Variants in CDKN2B-AS1 observed in about 807,000 individuals in gnomAD.
The protein encoded by CDKN2B-AS1 is CDKN2B and CDKN2A antisense cis and trans regulatory RNA 1.
rs994343205 is a variant in CDKN2B-AS1, at chr9:22,095,256, G to T, written n.439-31847G>T. Reference sequence around the variant, plus strand: ...TGCCTCACAGTTAGGCTACTCGGGGGTCAGGGACCCACCTGAGGAGGCAGT... The same window carrying T: ...TGCCTCACAGTTAGGCTACTCGGGGTTCAGGGACCCACCTGAGGAGGCAGT... On this transcript the variant is annotated intron_variant and non_coding_transcript_variant, in intron 4 of 4. Coordinates refer to ENST00000650946, the Ensembl canonical transcript of CDKN2B-AS1. Among the ~76,000 whole-genome samples, 10 of 144,872 alleles carry T rather than the reference G, an allele frequency of 6.9e-5. 1 individual carries two copies. Among genetic ancestry groups the T allele is most frequent in the African/African-American group, 2.0e-4 (7 of 34,962 alleles).
intron 1 of CDKN2B-AS1, among the ~76,000 whole-genome samples, chr9:22,016,821 C>T (rs1401775274): frequency 1.3e-5 from 2 of 152,178 alleles, no homozygotes; most frequent in African/African-American, 4.8e-5. Context: ...AGAGTCGTAG[C>T]ATCTTTCAAA....
Position 22,026,948 on chromosome 9 carries a change from G to C in CDKN2B-AS1, n.30-19803G>C, listed in dbSNP as rs1822264466. Among the ~76,000 whole-genome samples, 4 of 152,128 alleles carry C rather than the reference G, an allele frequency of 2.6e-5. No homozygotes were observed. The South Asian group carries it at 8.3e-4, about 32-fold the overall frequency. The stretch of plus-strand genomic sequence containing the variant: ...TCACTTACCACTTCCCTGGGAAGGG[G>C]AGTTTCCCTTGACTCCACGTCTTTC... On this transcript the variant is annotated intron_variant and non_coding_transcript_variant, in intron 1 of 4. Transcript: ENST00000650946.
At chr9:22,105,673 C>T (rs1011472823) in intron 4 of CDKN2B-AS1, among the ~76,000 whole-genome samples, 2 of 152,114 alleles carry the variant, frequency 1.3e-5, no homozygotes, top group Admixed American at 1.3e-4. Flanking sequence ...GTTATAAGAG[C>T]CTGTCCAGGT....
At chr9:22,079,757 G>A (rs975560920) in intron 4 of CDKN2B-AS1, among the ~76,000 whole-genome samples, 4 of 152,016 alleles carry the variant, frequency 2.6e-5, no homozygotes, top group African/African-American at 4.8e-5. Flanking sequence ...ATCCTTGATC[G>A]ACATTCACCT....
intron 4 of CDKN2B-AS1, among the ~76,000 whole-genome samples, chr9:22,062,986 C>CACACACAT (rs374229516): frequency 8.8e-5 from 12 of 136,824 alleles, no homozygotes; most frequent in East Asian, 2.3e-4. Context: ...GACACACACA[C>CACACACAT]ATATATATAT....
chr9:22,063,884 G>A (rs149904990), intron 4 of CDKN2B-AS1: 3 of 152,348 alleles, frequency 2.0e-5, no homozygotes, highest in African/African-American at 7.2e-5. Flanking sequence ...ATGATATTGG[G>A]TGTGGAGCTA....
rs1821193325 is a variant in CDKN2B-AS1 at position 22,006,430 on chromosome 9, C to T, written n.29+11269C>T. Among the ~76,000 whole-genome samples, 3 of 152,320 alleles carry T rather than the reference C, an allele frequency of 2.0e-5. No individual in the cohort carries two copies. In the South Asian group the frequency reaches 6.2e-4, roughly 32 times the overall value. ...TTTGCTGATGCAATCCACTTTCCCA[C>T]CCCACCTTCAGGTTATACTCAGTAC... On this transcript the variant is annotated intron_variant and non_coding_transcript_variant, in intron 1 of 4. Coordinates refer to ENST00000650946, the Ensembl canonical transcript of CDKN2B-AS1. The surrounding 1 kb of genome is among the most constrained non-coding windows in gnomAD (Gnocchi z 6.4).
Position 22,006,257 on chromosome 9 carries a change from AGAGCAGAGT to A in CDKN2B-AS1, n.29+11098_29+11106del, listed in dbSNP as rs1217182174. The A allele has an allele frequency of 6.2e-7, 1 of 1,603,162 alleles. No homozygotes were observed. The highest frequency in any genetic ancestry group is 1.3e-5 in the African/African-American group (1 of 74,918). On this transcript the variant is annotated intron_variant and non_coding_transcript_variant, in intron 1 of 4. Coordinates refer to ENST00000650946, the Ensembl canonical transcript of CDKN2B-AS1. The surrounding 1 kb of genome is among the most constrained non-coding windows in gnomAD (Gnocchi z 6.4). ...TGCCCATCATCATGACCTGCCAGAG[AGAGCAGAGT>A]GGTCAGAGCCAGGGTGGGGGCAGGT...
intron 1 of CDKN2B-AS1, among the ~76,000 whole-genome samples, chr9:22,027,917 G>C (rs1420113825): frequency 2.0e-5 from 3 of 152,068 alleles, no homozygotes; most frequent in Non-Finnish European, 4.4e-5. Context: ...AAATAAAAGA[G>C]GCTATGTTTT....
intron 4 of CDKN2B-AS1, among the ~76,000 whole-genome samples, chr9:22,114,137 C>T (rs1456238904): frequency 6.6e-6 from 1 of 152,178 alleles, no homozygotes; most frequent in Non-Finnish European, 1.5e-5. Flanking sequence ...AAATGAACAA[C>T]TTCAGACCTT....
chr9:22,075,467 TTAACTGGG>T (rs1481657002), intron 4 of CDKN2B-AS1, among the ~76,000 whole-genome samples: 1 of 152,198 alleles, frequency 6.6e-6, no homozygotes, highest in Non-Finnish European at 1.5e-5. Flanking sequence ...AAATAAAGTC[TTAACTGGG>T]CTTCAAAGGA....
chr9:22,115,441 A>C (rs1825923053), intron 4 of CDKN2B-AS1, among the ~76,000 whole-genome samples: 1 of 152,182 alleles, frequency 6.6e-6, no homozygotes, highest in Non-Finnish European at 1.5e-5. Context: ...GGGAGACTTA[A>C]ACCTTTTACA....
At chr9:22,071,395 T>C (rs942404278) in intron 4 of CDKN2B-AS1, among the ~76,000 whole-genome samples, 2 of 145,102 alleles carry the variant, frequency 1.4e-5, no homozygotes, top group African/African-American at 5.1e-5. Context: ...TTAAAGCATC[T>C]ACATGTGAGG....
intron 1 of CDKN2B-AS1, among the ~76,000 whole-genome samples, chr9:22,045,983 C>T (rs1367322421): frequency 6.6e-6 from 1 of 152,034 alleles, no homozygotes; most frequent in Non-Finnish European, 1.5e-5. Flanking sequence ...ATTAAATAGG[C>T]AGAAATTTTG....
At chr9:22,008,353 A>G (rs2131188039) in intron 1 of CDKN2B-AS1, among the ~76,000 whole-genome samples, 1 of 152,346 alleles carries the variant, frequency 6.6e-6, no homozygotes, top group Non-Finnish European at 1.5e-5. Context: ...AAACAATACA[A>G]CAGATTTCAT....
intron 4 of CDKN2B-AS1, chr9:22,119,955 C>G (rs1826056790): frequency 1.3e-5 from 2 of 152,148 alleles, no homozygotes; most frequent in South Asian, 4.1e-4. Context: ...TGAACTTGAG[C>G]TTGGGTTCAG....
At chr9:22,023,437 T>C (rs1051068313) in intron 1 of CDKN2B-AS1, among the ~76,000 whole-genome samples, 4 of 152,110 alleles carry the variant, frequency 2.6e-5, no homozygotes, top group South Asian at 2.1e-4. Flanking sequence ...TGTGATTGCA[T>C]TATGAAATTT....
intron 4 of CDKN2B-AS1, among the ~76,000 whole-genome samples, chr9:22,116,467 T>C (rs1825951973): frequency 6.6e-6 from 1 of 152,172 alleles, no homozygotes; most frequent in Non-Finnish European, 1.5e-5. Context: ...ATAAAAGTAT[T>C]CAGATAGTGC....
intron 1 of CDKN2B-AS1, chr9:22,030,529 A>G (rs1822425396): frequency 6.6e-6 from 1 of 152,180 alleles, no homozygotes; most frequent in South Asian, 2.1e-4. Flanking sequence ...ACAATGTAAA[A>G]TTGTAAGAGG....
Sources: gnomAD v4.1 joint callset for allele counts (sites outside exome capture counted in the v4.1 genomes callset) on GRCh38, gnomAD v4.1.1 for gene constraint, Gnocchi (gnomAD v3.1) non-coding constraint, MANE v1.5 for transcripts, NCBI Gene and HGNC (gene_info 2026-07-23, HGNC 2026-07-21) for gene names.